Variants in DAB1 observed in about 807,000 individuals in gnomAD.
DAB1 encodes DAB adaptor protein 1, also known as disabled homolog 1.
Under a neutral mutation model 64.6 loss-of-function variants are expected in DAB1, and 15 were observed. The ratio of observed to expected loss-of-function variants is 0.23; its 90% CI spans 0.16 to 0.36. The LOEUF (loss-of-function observed/expected upper bound fraction) is 0.36, where lower values mean the gene tolerates loss of function less well. DAB1 is among the 10% of genes least tolerant of loss of function. The pLI is 1.00. For synonymous variants in DAB1, 235 were observed against 251.9 expected (o/e 0.93, Z 0.64); for missense variants, 596 against 706.7 (o/e 0.84, Z 1.78).
At chr1:57,999,234 G>A (rs1646471669) in intron 5 of DAB1, among the ~76,000 whole-genome samples, 2 of 152,178 alleles carry the variant, frequency 1.3e-5, no homozygotes, top group Admixed American at 6.5e-5. Flanking sequence ...AGCCAGAGAA[G>A]GGAGTCTTAT....
chr1:57,668,723 C>T (rs1381251078), intron 6 of DAB1, among the ~76,000 whole-genome samples: 4 of 152,060 alleles, frequency 2.6e-5, no homozygotes, highest in Non-Finnish European at 5.9e-5. Context: ...AGGACACTCT[C>T]TAGATCCTAA....
intron 3 of DAB1, among the ~76,000 whole-genome samples, chr1:58,396,622 GAA>G (rs1407046167): frequency 6.6e-6 from 1 of 151,988 alleles, no homozygotes; most frequent in Non-Finnish European, 1.5e-5. Flanking sequence ...GACAAAGAGA[GAA>G]GCAGAGAGAG....
chr1:58,180,506 G>A (rs1485700294), intron 4 of DAB1, among the ~76,000 whole-genome samples: 2 of 151,536 alleles, frequency 1.3e-5, no homozygotes, highest in African/African-American at 4.9e-5. Flanking sequence ...TGTTGCCCAG[G>A]CTGGTCTCAA....
intron 4 of DAB1, among the ~76,000 whole-genome samples, chr1:57,100,271 G>A (rs1654548069): frequency 6.6e-6 from 1 of 152,174 alleles, no homozygotes; most frequent in Non-Finnish European, 1.5e-5. Context: ...ATGGTATGTG[G>A]CACATGGTAA....
At chr1:57,375,210 C>A (rs1371628134) in intron 1 of DAB1, among the ~76,000 whole-genome samples, 3 of 152,118 alleles carry the variant, frequency 2.0e-5, no homozygotes, top group African/African-American at 7.2e-5. Context: ...TTTCCTCCCC[C>A]ACAGCTAAGC....
intron 6 of DAB1, among the ~76,000 whole-genome samples, chr1:57,800,457 A>C (rs1198411714): frequency 6.6e-6 from 1 of 152,194 alleles, no homozygotes; most frequent in Non-Finnish European, 1.5e-5. Context: ...TGAACTCTTC[A>C]ATGTTAATAT....
At chr1:57,070,119 T>C (rs951540974) in intron 7 of DAB1, among the ~76,000 whole-genome samples, 3 of 152,236 alleles carry the variant, frequency 2.0e-5, no homozygotes, top group African/African-American at 7.2e-5. Flanking sequence ...ATACATGAGA[T>C]ATTTTTCCAC....
intron 9 of DAB1, among the ~76,000 whole-genome samples, chr1:57,040,870 T>C (rs909026143): frequency 6.6e-6 from 1 of 152,188 alleles, no homozygotes; most frequent in Non-Finnish European, 1.5e-5. Flanking sequence ...TTGGCTCCCA[T>C]CAGCAGGATG....
intron 2 of DAB1, among the ~76,000 whole-genome samples, chr1:57,289,643 T>C (rs1222437787): frequency 6.6e-6 from 1 of 152,202 alleles, no homozygotes; most frequent in Non-Finnish European, 1.5e-5. Context: ...TTACTTCATA[T>C]AGAGTGTCAG....
intron 7 of DAB1, among the ~76,000 whole-genome samples, chr1:57,602,077 C>T (rs756406225): frequency 2.6e-5 from 4 of 152,228 alleles, no homozygotes; most frequent in South Asian, 2.1e-4. Flanking sequence ...CATTTTGAGA[C>T]TCAAAATTCA....
intron 2 of DAB1, among the ~76,000 whole-genome samples, chr1:57,145,636 T>A (rs778700223): frequency 6.6e-6 from 1 of 152,216 alleles, no homozygotes; most frequent in Non-Finnish European, 1.5e-5. Context: ...TTCTCCTTTC[T>A]GAGACTCAGT....
intron 2 of DAB1, among the ~76,000 whole-genome samples, chr1:57,203,647 A>T (rs1479814847): frequency 1.3e-5 from 2 of 152,334 alleles, no homozygotes; most frequent in East Asian, 3.9e-4. Context: ...AGTGGAGAAC[A>T]GGTTCATGAG....
At chr1:58,500,583 T>A (rs1411195619) in intron 3 of DAB1, among the ~76,000 whole-genome samples, 1 of 152,118 alleles carries the variant, frequency 6.6e-6, no homozygotes, top group Non-Finnish European at 1.5e-5. Flanking sequence ...TTGAATGAAG[T>A]GAATTTGATA....
chr1:58,029,745 A>G (rs1162505965), intron 5 of DAB1, among the ~76,000 whole-genome samples: 1 of 152,236 alleles, frequency 6.6e-6, no homozygotes, highest in Non-Finnish European at 1.5e-5. Context: ...CTATTTCCCA[A>G]TTTTAGCTTC....
intron 6 of DAB1, among the ~76,000 whole-genome samples, chr1:57,699,899 G>A (rs985067919): frequency 6.6e-6 from 1 of 152,110 alleles, no homozygotes; most frequent in South Asian, 2.1e-4. Flanking sequence ...GTGACAGAGT[G>A]AGAGTCCATC....
At chr1:57,443,660 C>G (rs1352846997) in intron 7 of DAB1, among the ~76,000 whole-genome samples, 7 of 152,150 alleles carry the variant, frequency 4.6e-5, no homozygotes, top group Admixed American at 4.6e-4. Context: ...GCCTGGCCTC[C>G]AACAGACTAG....
chr1:57,010,417 T>C (rs1050539645), intron 14 of DAB1, among the ~76,000 whole-genome samples: 1 of 152,070 alleles, frequency 6.6e-6, no homozygotes, highest in Non-Finnish European at 1.5e-5. Context: ...AGGTCATGCA[T>C]CCATGAGAAA....
At chr1:58,332,504 A>T (rs1274724513) in intron 4 of DAB1, among the ~76,000 whole-genome samples, 1 of 152,212 alleles carries the variant, frequency 6.6e-6, no homozygotes, top group Non-Finnish European at 1.5e-5. Flanking sequence ...ACACTATAGT[A>T]GTCTGTTAAG....
intron 1 of DAB1, among the ~76,000 whole-genome samples, chr1:57,389,639 G>T (rs1187712051): frequency 6.6e-6 from 1 of 152,140 alleles, no homozygotes; most frequent in Non-Finnish European, 1.5e-5. Context: ...ATGGAGGGAA[G>T]GAGAAAGAGA....
Sources: gnomAD v4.1 joint callset for allele counts (sites outside exome capture counted in the v4.1 genomes callset) on GRCh38, gnomAD v4.1.1 for gene constraint, MANE v1.5 for transcripts, NCBI Gene and HGNC (gene_info 2026-07-23, HGNC 2026-07-21) for gene names.